Variants in C1RL observed in about 807,000 individuals in gnomAD.
The protein encoded by C1RL is complement C1r subcomponent-like protein.
C1RL carries 27 observed loss-of-function variants against 27.9 expected under a neutral mutation model. The ratio of observed to expected loss-of-function variants is 0.97; its 90% CI spans 0.71 to 1.33. The LOEUF is 1.33. C1RL is among the 40% of genes most tolerant of loss of function. The pLI is 0.00. For missense variants in C1RL, 563 were observed against 623.9 expected (o/e 0.90, Z 1.04); for synonymous variants, 248 against 252.1 (o/e 0.98, Z 0.15).
intron 1 of C1RL, 85 bp downstream of exon 1, chr12:7,109,025 T>TGGGGGGGGGGGGGGGG (rs1938873924): frequency 3.4e-6 from 1 of 294,460 alleles, no homozygotes; most frequent in Admixed American, 6.1e-5. Context: ...GGGGGTAGGG[T>TGGGGGGGGGGGGGGGG]GGGGGGAGGG....
Position 7,108,988 on chromosome 12 carries a change from TGGGGG to T in C1RL, c.71+117_71+121del, listed in dbSNP as rs1158893295. On this transcript the variant is annotated intron_variant, in intron 1 of 5. Transcript: ENST00000266542. ...GGAGGTGTGTGTGTGTGTGTGTGTG[TGGGGG>T]GGGGGGGGATGTGTGTGTGGGGGGG... 3.5e-4 allele frequency: 39 copies of T among 110,080 alleles called. 1 individual carries two copies. Among genetic ancestry groups the T allele is most frequent in the African/African-American group, 1.8e-3 (8 of 4,512 alleles). 6.8% of individuals were successfully genotyped at this position (110,080 alleles called of 1,614,324 possible).
rs1341240480 is a variant in C1RL at position 7,095,157 on chromosome 12, G to A, written c.*1234C>T. The A allele has an allele frequency of 2.6e-5, 32 of 1,209,614 alleles. No individual in the cohort carries two copies. Among genetic ancestry groups the A allele is most frequent in the South Asian group, 8.2e-5 (6 of 73,332 alleles). The allele number at this position is 1,209,614 out of a possible 1,614,324, so 74.9% of individuals were successfully genotyped here. On this transcript the variant is annotated 3_prime_UTR_variant, in exon 6 of 6. Coordinates refer to ENST00000266542, the MANE Select transcript of C1RL (RefSeq NM_016546.4). ...GGGGGGATGAAGTCTTGGTCTGTCC[G>A]CAGGCTGGAGTGCAGTGGCGTGATC... is the stretch of plus-strand genomic sequence containing the variant.
Position 7,103,644 on chromosome 12 carries a change from T to C in C1RL, c.301-1557A>G, listed in dbSNP as rs1591599569. Among the ~76,000 whole-genome samples the C allele has an allele frequency of 2.6e-5, 4 of 152,318 alleles. No homozygotes were observed. In the South Asian group the frequency reaches 8.3e-4, roughly 32 times the overall value. On this transcript the variant is annotated intron_variant, in intron 2 of 5. Coordinates refer to ENST00000266542, the MANE Select transcript of C1RL (RefSeq NM_016546.4). ...ACTATGTGTAAGATACTGTGCTAGGTGCTGGGGACACAGATGTGACAAAGG... is the reference window on the plus strand; with the variant it reads ...ACTATGTGTAAGATACTGTGCTAGGCGCTGGGGACACAGATGTGACAAAGG...
Position 7,095,795 on chromosome 12 carries a change from GATA to G in C1RL, c.*593_*595del, listed in dbSNP as rs1406369594. 1 of 750,070 alleles carries G rather than the reference GATA, an allele frequency of 1.3e-6. No homozygotes were observed. Among genetic ancestry groups the G allele is most frequent in the African/African-American group, 1.9e-5 (1 of 52,520 alleles). 46.5% of individuals were successfully genotyped at this position (750,070 alleles called of 1,614,324 possible). On this transcript the variant is annotated 3_prime_UTR_variant, in exon 6 of 6. Transcript: ENST00000266542. ...TCAGTTTCCTCATTTGTCACACATAGATAATAACACATCCTTTGCAAATATGGT... is the reference window on the plus strand; with the variant it reads ...TCAGTTTCCTCATTTGTCACACATAGATAACACATCCTTTGCAAATATGGT...
chr12:7,109,085 C>T, intron 1 of C1RL, 25 bp downstream of exon 1: 1 of 1,564,190 alleles, frequency 6.4e-7, no homozygotes, highest in Non-Finnish European at 8.7e-7. Flanking sequence ...CCTCTTCCCT[C>T]CTCCTCTGCC....
intron 2 of C1RL, among the ~76,000 whole-genome samples, chr12:7,103,160 G>T (rs1938672100): frequency 6.6e-6 from 1 of 152,180 alleles, no homozygotes; most frequent in African/African-American, 2.4e-5. Flanking sequence ...GTAACTCCTG[G>T]CATTTAAGAG....
intron 3 of C1RL, among the ~76,000 whole-genome samples, chr12:7,100,451 T>C (rs907540056): frequency 6.6e-6 from 1 of 152,190 alleles, no homozygotes; most frequent in African/African-American, 2.4e-5. Flanking sequence ...GGAGGGCTGA[T>C]GAAATACATT....
Position 7,095,214 on chromosome 12 carries a change from C to G in C1RL, c.*1177G>C. On this transcript the variant is annotated 3_prime_UTR_variant, in exon 6 of 6. Transcript: ENST00000266542. ...CACTGCAACCTCCGCCTCCCAGGTT[C>G]AAGTGATTCTCCTGCCTCAGCCTCC... The G allele has an allele frequency of 1.1e-6, 1 of 907,236 alleles. No homozygotes were observed. The highest frequency in any genetic ancestry group is 1.8e-5 in the African/African-American group (1 of 54,552). 56.2% of individuals were successfully genotyped at this position (907,236 alleles called of 1,614,324 possible). A position where few individuals can be genotyped will look rare whatever the true frequency, so the allele number is the denominator to read the frequency against.
Position 7,094,799 on chromosome 12 carries a change from C to G in C1RL, c.*1592G>C, listed in dbSNP as rs1132216. On this transcript the variant is annotated 3_prime_UTR_variant, in exon 6 of 6. Coordinates refer to ENST00000266542, the MANE Select transcript of C1RL (RefSeq NM_016546.4). The stretch of plus-strand genomic sequence containing the variant: ...TCACTATGTTGCTTAGGCTGGACTT[C>G]AACTCCTGGGCTCAAGCGATCCTCT... 96,976 of 955,748 alleles carry G rather than the reference C, an allele frequency of 0.1. 5,316 individuals are homozygous for G. The highest frequency in any genetic ancestry group is 0.26 in the East Asian group (2,271 of 8,628). The allele number at this position is 955,748 out of a possible 1,614,324, so 59.2% of individuals were successfully genotyped here. A position where few individuals can be genotyped will look rare whatever the true frequency, so the allele number is the denominator to read the frequency against.
chr12:7,096,303 C>A lies in C1RL; in HGVS notation c.*88G>T. On this transcript the variant is annotated 3_prime_UTR_variant, in exon 6 of 6. Transcript: ENST00000266542. Reference sequence around the variant, plus strand: ...CCTCCCCCAACCCCCCACCCCCAACCCCTACCCCAGTGTTCAGTCCTCACT... The same window carrying A: ...CCTCCCCCAACCCCCCACCCCCAACACCTACCCCAGTGTTCAGTCCTCACT... 7.9e-7 allele frequency: 1 copy of A among 1,270,424 alleles called. No homozygotes were observed. The highest frequency in any genetic ancestry group is 2.4e-5 in the South Asian group (1 of 41,898). 78.7% of individuals were successfully genotyped at this position (1,270,424 alleles called of 1,614,324 possible). A position where few individuals can be genotyped will look rare whatever the true frequency, so the allele number is the denominator to read the frequency against.
intron 2 of C1RL, among the ~76,000 whole-genome samples, chr12:7,107,291 C>A (rs1352313804): frequency 6.6e-6 from 1 of 152,054 alleles, no homozygotes; most frequent in East Asian, 1.9e-4. Context: ...ACTTCAGCGT[C>A]CCTTGTAGCT....
At chr12:7,102,218 G>A in intron 2 of C1RL, 131 bp from the exon 3 acceptor site, 1 of 858,480 alleles carries the variant, frequency 1.2e-6, no homozygotes, top group South Asian at 1.7e-5. Context: ...GGGCTCAGAA[G>A]GCACCTCACA....
rs1000037896 is a variant in C1RL at position 7,096,700 on chromosome 12, T to C, written c.1155A>G (p.Leu385=). 2.7e-5 allele frequency: 43 copies of C among 1,613,914 alleles called. No homozygotes were observed. The highest frequency in any genetic ancestry group is 3.6e-5 in the Non-Finnish European group (42 of 1,179,994). Residue 385 remains leucine (L), a synonymous_variant, in exon 6 of 6, where the codon CTA becomes CTG. Transcript: ENST00000266542. ...VSGFGMEMGW[L]TTELKYSRLP... ...GCCTCGAGTACTTCAGCTCAGTAGTTAGCCAGCCCATCTCCATGCCAAACC... is the reference window on the plus strand; with the variant it reads ...GCCTCGAGTACTTCAGCTCAGTAGTCAGCCAGCCCATCTCCATGCCAAACC...
At chr12:7,101,733 C>A in intron 3 of C1RL, 165 bp downstream of exon 3, 1 of 704,584 alleles carries the variant, frequency 1.4e-6, no homozygotes, top group Non-Finnish European at 2.5e-6. Flanking sequence ...ACGGCTGTCT[C>A]TTAATAGGGT....
rs1201028372 is a variant in C1RL, at chr12:7,104,343, G to A, written c.301-2256C>T. ...GCTTAACAAGAAACCCTGGACTTGAGGCCCCGCGGCACACTTGATAGAGGG... is the reference window on the plus strand; with the variant it reads ...GCTTAACAAGAAACCCTGGACTTGAAGCCCCGCGGCACACTTGATAGAGGG... On this transcript the variant is annotated intron_variant, in intron 2 of 5. Transcript: ENST00000266542. This position sits in a 1 kb window ranked among gnomAD's most constrained non-coding sequence, Gnocchi z 5.4. 6.6e-6 allele frequency among the ~76,000 whole-genome samples: 1 copy of A among 152,234 alleles called. No individual in the cohort carries two copies. The highest frequency in any genetic ancestry group is 2.4e-5 in the African/African-American group (1 of 41,454).
chr12:7,103,408 G>A (rs772475488), intron 2 of C1RL, among the ~76,000 whole-genome samples: 1 of 152,174 alleles, frequency 6.6e-6, no homozygotes, highest in Non-Finnish European at 1.5e-5. Flanking sequence ...AAGCACCCAA[G>A]ATCTCAGTTT....
chr12:7,103,538 ATGTTGTGTG>A (rs1343171339), intron 2 of C1RL, among the ~76,000 whole-genome samples: 2 of 152,204 alleles, frequency 1.3e-5, no homozygotes, highest in Non-Finnish European at 2.9e-5. Context: ...AAAATTCATT[ATGTTGTGTG>A]TCCTGCACAC....
rs763491192 is a variant in C1RL at position 7,099,716 on chromosome 12, CCTGT to C, written c.657_660del (p.Gln220MetfsTer79). 6.4e-7 allele frequency: 1 copy of C among 1,560,534 alleles called. No homozygotes were observed. Among genetic ancestry groups the C allele is most frequent in the South Asian group, 1.2e-5 (1 of 84,756 alleles). Reference sequence around the variant, plus strand: ...ATACACTGAAGAACCTCCTCCCCATCCTGTCTGTCTTTCCAGGTCCCTGGGGTTG... The same window carrying C: ...ATACACTGAAGAACCTCCTCCCCATCCTGTCTTTCCAGGTCCCTGGGGTTG... On this transcript the variant is annotated frameshift_variant, in exon 5 of 6. Transcript: ENST00000266542. LOFTEE classifies it low-confidence loss of function (END_TRUNC).
In C1RL at chr12:7,094,676, G is replaced by C. The variant is rs1206540957; in HGVS notation, c.*1715C>G. The C allele has an allele frequency of 2.0e-6, 2 of 980,208 alleles. No homozygotes were observed. The highest frequency in any genetic ancestry group is 9.5e-5 in the South Asian group (2 of 21,160). The allele number at this position is 980,208 out of a possible 1,614,324, so 60.7% of individuals were successfully genotyped here. ...CTCATTAAACAAATTTTAGCCAATA[G>C]AGAATAGTGGAAAACCAAACAGCCA... is the stretch of plus-strand genomic sequence containing the variant. On this transcript the variant is annotated 3_prime_UTR_variant, in exon 6 of 6. Coordinates refer to ENST00000266542, the MANE Select transcript of C1RL (RefSeq NM_016546.4).
Sources: allele counts gnomAD v4.1 joint callset (sites outside exome capture counted in the v4.1 genomes callset), GRCh38; gene constraint gnomAD v4.1.1; non-coding constraint Gnocchi (gnomAD v3.1); transcripts MANE v1.5; gene names NCBI Gene and HGNC (gene_info 2026-07-23, HGNC 2026-07-21).